PIKFYVE: variants seen among roughly 807,000 people sequenced by gnomAD.
PIKFYVE encodes the protein phosphoinositide kinase, FYVE-type zinc finger containing.
In PIKFYVE, 122 loss-of-function variants were observed where a neutral mutation model predicts 257.9. The observed-to-expected ratio is 0.47, with a 90% CI of 0.41 to 0.55. PIKFYVE has a LOEUF of 0.55. Among genes scored for constraint, PIKFYVE ranks in the 20% least tolerant of loss-of-function variants. The pLI is 0.00. For missense variants in PIKFYVE, 2,160 were observed against 2,536.6 expected (o/e 0.85, Z 3.19); for synonymous variants, 892 against 868.9 (o/e 1.03, Z -0.47).
At chr2:208,327,995 T>C (rs951947940) in intron 20 of PIKFYVE, among the ~76,000 whole-genome samples, 185 bp from the exon 21 acceptor site, 1 of 152,206 alleles carries the variant, frequency 6.6e-6, no homozygotes, top group African/African-American at 2.4e-5. Context: ...TTGAAACTTT[T>C]TGGGTTGTCT....
chr2:208,322,699 A>G (rs1559122964), intron 17 of PIKFYVE, among the ~76,000 whole-genome samples: 1 of 151,210 alleles, frequency 6.6e-6, no homozygotes, highest in African/African-American at 2.4e-5. Flanking sequence ...ATATATATAT[A>G]TATTTTTTTT....
chr2:208,291,500 A>G (rs2125221541), intron 7 of PIKFYVE, among the ~76,000 whole-genome samples: 1 of 152,276 alleles, frequency 6.6e-6, no homozygotes, highest in Non-Finnish European at 1.5e-5. Context: ...TGAGTTAGAA[A>G]GTATTTCCTC....
At chr2:208,273,468 A>AT in intron 2 of PIKFYVE, 116 bp from the exon 3 acceptor site, 1 of 1,206,560 alleles carries the variant, frequency 8.3e-7, no homozygotes, top group Non-Finnish European at 1.2e-6. Flanking sequence ...GAAAAAAAAA[A>AT]TTTTTAGTTA....
chr2:208,352,131 A>C (rs754231798), intron 38 of PIKFYVE, among the ~76,000 whole-genome samples: 1 of 152,342 alleles, frequency 6.6e-6, no homozygotes, highest in African/African-American at 2.4e-5. Flanking sequence ...CACTTAAGAC[A>C]TTAAGACTGG....
At chr2:208,285,066 ATTTTGTTTTG>A (rs61631249) in intron 5 of PIKFYVE, among the ~76,000 whole-genome samples, 3 of 151,730 alleles carry the variant, frequency 2.0e-5, no homozygotes, top group Admixed American at 1.3e-4. Context: ...TGGGATATAC[ATTTTGTTTTG>A]TTTTGTTTTG....
At chr2:208,306,620 C>T (rs1694343662) in intron 12 of PIKFYVE, among the ~76,000 whole-genome samples, 1 of 152,070 alleles carries the variant, frequency 6.6e-6, no homozygotes, top group South Asian at 2.1e-4. Flanking sequence ...CTTTTGAAAA[C>T]CTAACTTGAG....
Position 208,351,385 on chromosome 2 carries a change from T to C in PIKFYVE, c.5645T>C (p.Leu1882Pro). Reference sequence around the variant, plus strand: ...TTTATTTTGAAGCAAATGCCTCGTCTGGAAGTCCAGTCCTTCCTCGACTTT... The same window carrying C: ...TTTATTTTGAAGCAAATGCCTCGTCCGGAAGTCCAGTCCTTCCTCGACTTT... ...DRFILKQMPR[L>P]EVQSFLDFAP... The change falls in exon 38 of 42, where the codon CTG becomes CCG. Residue 1882 changes from leucine to proline, a missense_variant. Leu to Pro is a moderately conservative substitution (Grantham distance 98). Transcript: ENST00000264380. The C allele has an allele frequency of 6.2e-7, 1 of 1,613,934 alleles. No homozygotes were observed. Among genetic ancestry groups the C allele is most frequent in the Non-Finnish European group, 8.5e-7 (1 of 1,179,784 alleles).
intron 1 of PIKFYVE, among the ~76,000 whole-genome samples, chr2:208,270,564 A>T (rs1299694865): frequency 3.3e-5 from 5 of 152,206 alleles, no homozygotes. Context: ...AGGAAAAACC[A>T]GGTTCATGTG....
At chr2:208,326,836 T>G (rs1296847401) in intron 20 of PIKFYVE, among the ~76,000 whole-genome samples, 3 of 152,178 alleles carry the variant, frequency 2.0e-5, no homozygotes, top group African/African-American at 7.2e-5. Flanking sequence ...ATATATTTGT[T>G]TTCTCAAAAA....
chr2:208,353,537 A>ATC (rs74342819), intron 39 of PIKFYVE, among the ~76,000 whole-genome samples: 106,658 of 139,656 alleles, frequency 0.76, 41,324 homozygotes, highest in East Asian at 0.92. Context: ...GACTATTTGC[A>ATC]TCTCTCTCTT....
chr2:208,338,657 T>G, intron 29 of PIKFYVE, 89 bp downstream of exon 29: 1 of 1,285,818 alleles, frequency 7.8e-7, no homozygotes, highest in East Asian at 2.4e-5. Flanking sequence ...GAGCAGTTTT[T>G]CCGATGCTGT....
chr2:208,287,539 G>A (rs1245649723), intron 6 of PIKFYVE, among the ~76,000 whole-genome samples: 1 of 151,678 alleles, frequency 6.6e-6, no homozygotes, highest in Non-Finnish European at 1.5e-5. Context: ...CTCCCAAAGG[G>A]CTGGGATTAC....
Position 208,348,108 on chromosome 2 carries a change from A to G in PIKFYVE, c.5374+85A>G, listed in dbSNP as rs1332354219. 3.3e-6 allele frequency: 5 copies of G among 1,524,074 alleles called. No homozygotes were observed. The African/African-American group carries it at 5.4e-5, about 17-fold the overall frequency. 94.4% of individuals were successfully genotyped at this position (1,524,074 alleles called of 1,614,324 possible). On this transcript the variant is annotated intron_variant, in intron 35 of 41. Transcript: ENST00000264380. ...ATATATTTCTTATAGCCTTAAATAG[A>G]TAATTCTTAGTGCTGAAACTGGGGC...
intron 23 of PIKFYVE, among the ~76,000 whole-genome samples, chr2:208,332,290 A>G (rs1697633703): frequency 2.0e-5 from 3 of 152,216 alleles, no homozygotes; most frequent in Admixed American, 2.0e-4. Flanking sequence ...TTACATTTCA[A>G]AAATTTCAAT....
At position 208,352,734 on chromosome 2, in the gene PIKFYVE, A is replaced by G. The variant is rs1365890079; in HGVS notation, c.5796A>G (p.Leu1932=). Residue 1932 remains leucine (L), a synonymous_variant, in exon 39 of 42, where the codon TTA becomes TTG. Transcript: ENST00000264380. ...KNSQNNTEKK[L]DLLVMENLFY... ...CTCAGAACAACACTGAGAAGAAGTT[A>G]GATCTCCTTGTCATGGAAAATCTTT... 3 of 1,613,818 alleles carry G rather than the reference A, an allele frequency of 1.9e-6. No homozygotes were observed. Among genetic ancestry groups the G allele is most frequent in the Non-Finnish European group, 2.5e-6 (3 of 1,179,800 alleles).
At chr2:208,329,280 G>GT (rs1162550381) in intron 21 of PIKFYVE, among the ~76,000 whole-genome samples, 1 of 152,144 alleles carries the variant, frequency 6.6e-6, no homozygotes, top group Admixed American at 6.5e-5. Flanking sequence ...GGTTCTTCTA[G>GT]TAGTATAGCT....
In PIKFYVE at chr2:208,314,290, T is replaced by C. The variant is rs552218786; in HGVS notation, c.1697-4T>C. On this transcript the variant is annotated splice_region_variant and splice_polypyrimidine_tract_variant and intron_variant, in intron 13 of 41. Coordinates refer to ENST00000264380, the MANE Select transcript of PIKFYVE (RefSeq NM_015040.4). ...AATAACTTCTTATTTTATATTGTACTTAGAATCCTTATTTAATCGCCGAGT... is the reference window on the plus strand; with the variant it reads ...AATAACTTCTTATTTTATATTGTACCTAGAATCCTTATTTAATCGCCGAGT... 1.9e-6 allele frequency: 3 copies of C among 1,611,728 alleles called. No individual in the cohort carries two copies. The East Asian group carries it at 6.7e-5, about 36-fold the overall frequency.
At position 208,350,810 on chromosome 2, in the gene PIKFYVE, A is replaced by C. The variant is rs762664188; in HGVS notation, c.5474A>C (p.Tyr1825Ser). The stretch of plus-strand genomic sequence containing the variant: ...AATGCCAAGTTTTACTGTCGGCTCT[A>C]CTATGCGGGAGAGTTTCATAAGATG... Reference protein sequence around the residue: ...DANAKFYCRLYYAGEFHKMRE... With the variant: ...DANAKFYCRLSYAGEFHKMRE... Residue 1825 changes from tyrosine (Y) to serine (S), a missense_variant, in exon 37 of 42, where the codon TAC becomes TCC. Physicochemically the swap from Tyr to Ser is moderately radical, Grantham distance 144 (BLOSUM62 -2). Transcript: ENST00000264380. The C allele has an allele frequency of 3.1e-6, 5 of 1,614,096 alleles. No homozygotes were observed. The highest frequency in any genetic ancestry group is 4.2e-6 in the Non-Finnish European group (5 of 1,180,050).
chr2:208,310,294 A>T (rs1180692605), intron 12 of PIKFYVE, among the ~76,000 whole-genome samples: 1 of 152,192 alleles, frequency 6.6e-6, no homozygotes, highest in Non-Finnish European at 1.5e-5. Flanking sequence ...GGTAGTACTT[A>T]TTAAATATTT....
Sources: gnomAD v4.1 joint callset for allele counts (sites outside exome capture counted in the v4.1 genomes callset) on GRCh38, gnomAD v4.1.1 for gene constraint, MANE v1.5 for transcripts, NCBI Gene and HGNC (gene_info 2026-07-23, HGNC 2026-07-21) for gene names.